The following CACNA1C variants were observed in gnomAD, a reference collection of about 807,000 sequenced individuals.
CACNA1C encodes voltage-dependent L-type calcium channel subunit alpha-1C.
A neutral mutation model predicts 229.0 loss-of-function variants in CACNA1C; 30 were observed. The ratio of observed to expected loss-of-function variants is 0.13; its 90% CI spans 0.10 to 0.18. CACNA1C has a LOEUF of 0.18. Among genes scored for constraint, CACNA1C ranks in the 10% least tolerant of loss-of-function variants. The pLI, the probability that CACNA1C is intolerant of heterozygous loss-of-function variation, is 1.00. For synonymous variants in CACNA1C, 1,114 were observed against 1,132.5 expected (o/e 0.98, Z 0.33); for missense variants, 1,658 against 2,845.0 (o/e 0.58, Z 9.49).
chr12:2,370,795 G>A (rs1052820225), intron 3 of CACNA1C, among the ~76,000 whole-genome samples: 7 of 152,182 alleles, frequency 4.6e-5, no homozygotes, highest in Non-Finnish European at 1.0e-4. Context: ...AGGATCGGGG[G>A]GATTTCACTG....
At chr12:2,180,436 AG>A (rs1281003748) in intron 3 of CACNA1C, among the ~76,000 whole-genome samples, 2 of 152,262 alleles carry the variant, frequency 1.3e-5, no homozygotes, top group African/African-American at 4.8e-5. Context: ...ATGTCCCAGC[AG>A]GATGAGTCAG....
chr12:2,518,918 A>G (rs867157199), intron 9 of CACNA1C, among the ~76,000 whole-genome samples: 2 of 152,314 alleles, frequency 1.3e-5, no homozygotes, highest in South Asian at 4.1e-4. Flanking sequence ...TAGTGCTGGA[A>G]AGTTGCTGGA....
intron 3 of CACNA1C, among the ~76,000 whole-genome samples, chr12:2,162,329 C>T (rs2095913100): frequency 3.3e-5 from 5 of 151,866 alleles, no homozygotes; most frequent in African/African-American, 9.7e-5. Flanking sequence ...CTCCAGCCAT[C>T]AGTCCTGCTT....
intron 3 of CACNA1C, among the ~76,000 whole-genome samples, chr12:2,135,636 G>C (rs1405651853): frequency 3.5e-5 from 5 of 141,132 alleles, no homozygotes; most frequent in South Asian, 2.2e-4. Flanking sequence ...AGGGGTCAGG[G>C]ACCCACTTGA....
At chr12:2,250,819 A>G (rs1309707041) in intron 3 of CACNA1C, among the ~76,000 whole-genome samples, 6 of 152,120 alleles carry the variant, frequency 3.9e-5, no homozygotes, top group Non-Finnish European at 8.8e-5. Context: ...CTCTCAGTGG[A>G]GATGACGACA....
intron 3 of CACNA1C, among the ~76,000 whole-genome samples, chr12:2,120,654 C>CTGTGTG (rs1491492473): frequency 8.1e-5 from 8 of 98,768 alleles, no homozygotes; most frequent in African/African-American, 3.6e-4. Flanking sequence ...TGGTGGTGAG[C>CTGTGTG]TCTGTGTGTG....
chr12:2,338,425 T>C (rs2096764984), intron 3 of CACNA1C, among the ~76,000 whole-genome samples: 1 of 152,164 alleles, frequency 6.6e-6, no homozygotes, highest in African/African-American at 2.4e-5. Flanking sequence ...CCACAGGTCC[T>C]GGCTGTGTGG....
intron 3 of CACNA1C, among the ~76,000 whole-genome samples, chr12:2,284,033 G>T (rs1394327237): frequency 6.6e-6 from 1 of 152,124 alleles, no homozygotes; most frequent in Non-Finnish European, 1.5e-5. Flanking sequence ...CCCGGGTGAG[G>T]AGAGAGACCA....
chr12:2,378,443 TCTTC>T (rs1301856618), intron 3 of CACNA1C, among the ~76,000 whole-genome samples: 1 of 152,174 alleles, frequency 6.6e-6, no homozygotes, highest in African/African-American at 2.4e-5. Context: ...AAAGCGCCTG[TCTTC>T]ATTACCCATG....
intron 9 of CACNA1C, among the ~76,000 whole-genome samples, chr12:2,514,390 G>A (rs1016926567): frequency 2.6e-5 from 4 of 152,228 alleles, no homozygotes; most frequent in African/African-American, 9.6e-5. Flanking sequence ...ACAACATAAT[G>A]TAGTAACCTA....
intron 3 of CACNA1C, among the ~76,000 whole-genome samples, chr12:2,140,152 C>T (rs1021441915): frequency 2.6e-5 from 4 of 151,244 alleles, no homozygotes; most frequent in African/African-American, 4.8e-5. Flanking sequence ...CATATTTTGG[C>T]AGAGAACCTG....
intron 3 of CACNA1C, among the ~76,000 whole-genome samples, chr12:2,435,102 C>T: frequency 6.6e-6 from 1 of 152,190 alleles, no homozygotes; most frequent in Non-Finnish European, 1.5e-5. Context: ...CCCCACCGTG[C>T]AGACACTCCA....
intron 29 of CACNA1C, among the ~76,000 whole-genome samples, chr12:2,625,479 T>G: frequency 6.6e-6 from 1 of 152,180 alleles, no homozygotes; most frequent in Non-Finnish European, 1.5e-5. Flanking sequence ...GGCCCTGCGC[T>G]GGGTCAGCCT....
At chr12:2,648,320 A>G (rs1041428295) in intron 30 of CACNA1C, among the ~76,000 whole-genome samples, 155 bp from the exon 31 acceptor site, 6 of 152,228 alleles carry the variant, frequency 3.9e-5, no homozygotes, top group African/African-American at 1.4e-4. Context: ...GGGACGCCCC[A>G]GGACCTGCCA....
chr12:2,677,031 A>G lies in CACNA1C; in HGVS notation c.4829-63A>G. The G allele has an allele frequency of 7.1e-7, 1 of 1,410,126 alleles. No individual in the cohort carries two copies. Among genetic ancestry groups the G allele is most frequent in the Non-Finnish European group, 9.8e-7 (1 of 1,016,954 alleles). The allele number at this position is 1,410,126 out of a possible 1,614,324, so 87.4% of individuals were successfully genotyped here. On this transcript the variant is annotated intron_variant, in intron 39 of 46. Coordinates refer to ENST00000399655, the MANE Select transcript of CACNA1C (RefSeq NM_000719.7). The surrounding 1 kb of genome is among the most constrained non-coding windows in gnomAD (Gnocchi z 7.4). The stretch of plus-strand genomic sequence containing the variant: ...TTTTGGATGCTGAAAAAAAAAATGA[A>G]TGAAGTTCAACTGAATTCCCCTGCT...
intron 13 of CACNA1C, among the ~76,000 whole-genome samples, chr12:2,577,463 T>C (rs958755044): frequency 3.9e-5 from 6 of 152,214 alleles, no homozygotes; most frequent in Non-Finnish European, 8.8e-5. Flanking sequence ...TGATACATAT[T>C]AGTTTGATGC....
chr12:2,268,435 A>T (rs2083302801), intron 3 of CACNA1C, among the ~76,000 whole-genome samples: 1 of 152,170 alleles, frequency 6.6e-6, no homozygotes, highest in African/African-American at 2.4e-5. Flanking sequence ...TCATGGATTA[A>T]CTCCCTGGGC....
intron 3 of CACNA1C, among the ~76,000 whole-genome samples, chr12:2,320,923 G>T (rs1269944881): frequency 1.3e-5 from 2 of 152,200 alleles, no homozygotes; most frequent in Non-Finnish European, 2.9e-5. Context: ...TGACCTGCCA[G>T]ACAAGCTAGA....
intron 3 of CACNA1C, among the ~76,000 whole-genome samples, chr12:2,340,480 C>T (rs947454004): frequency 1.3e-5 from 2 of 152,206 alleles, no homozygotes; most frequent in South Asian, 2.1e-4. Context: ...CCCACAATTA[C>T]TCTTCTAAAA....
Sources: allele counts gnomAD v4.1 joint callset (sites outside exome capture counted in the v4.1 genomes callset), GRCh38; gene constraint gnomAD v4.1.1; non-coding constraint Gnocchi (gnomAD v3.1); transcripts MANE v1.5; gene names NCBI Gene and HGNC (gene_info 2026-07-23, HGNC 2026-07-21).